The following GALNT13 variants were observed in gnomAD, a reference collection of about 807,000 sequenced individuals.
The protein encoded by GALNT13 is UDP-GalNAc:polypeptide N-acetylgalactosaminyltransferase 13.
In GALNT13, 28 loss-of-function variants were observed where a neutral mutation model predicts 64.2. The observed-to-expected ratio is 0.44, with a 90% CI of 0.32 to 0.60. The LOEUF is 0.60. Among genes scored for constraint, GALNT13 ranks in the 20% least tolerant of loss-of-function variants. GALNT13 has a pLI of 0.05. For missense variants in GALNT13, 577 were observed against 669.8 expected, an observed-to-expected ratio of 0.86 and a Z score of 1.53; for synonymous variants, 214 against 224.6, an observed-to-expected ratio of 0.95 and a Z score of 0.42.
At chr2:153,488,761 C>A in the GALNT13 span, among the ~76,000 whole-genome samples, 1 of 152,158 alleles carries the variant, frequency 6.6e-6, no homozygotes, top group Non-Finnish European at 1.5e-5. Flanking sequence ...GTTTGACTGC[C>A]TCCCCTCCAA....
intron 9 of GALNT13, among the ~76,000 whole-genome samples, chr2:154,318,890 C>T (rs761677785): frequency 9.2e-5 from 14 of 151,950 alleles, no homozygotes; most frequent in Admixed American, 4.6e-4. Context: ...CGCACACACA[C>T]GCACACACAT....
At chr2:153,629,273 C>T in the GALNT13 span, among the ~76,000 whole-genome samples, 9 of 151,556 alleles carry the variant, frequency 5.9e-5, no homozygotes, top group African/African-American at 2.2e-4. Context: ...GTAACCAAAA[C>T]AGCATGATAC....
chr2:154,204,250 A>G (rs1340366921), intron 4 of GALNT13, among the ~76,000 whole-genome samples: 2 of 152,112 alleles, frequency 1.3e-5, no homozygotes, highest in South Asian at 2.1e-4. Flanking sequence ...TCAATATATT[A>G]CCCTATTTAA....
At chr2:154,180,201 T>G (rs183707474) in intron 4 of GALNT13, among the ~76,000 whole-genome samples, 16 of 152,292 alleles carry the variant, frequency 1.1e-4, no homozygotes, top group Non-Finnish European at 1.8e-4. Context: ...CAGTTTTTTG[T>G]GCTTTTTATT....
chr2:154,396,198 AGTATTTTTTAT>A (rs1699045839), intron 10 of GALNT13, 68 bp downstream of exon 10: 1 of 1,032,588 alleles, frequency 9.7e-7, no homozygotes. Context: ...TAAGGAGCTC[AGTATTTTTTAT>A]GTTATGAAAA....
intron 9 of GALNT13, among the ~76,000 whole-genome samples, chr2:154,306,573 G>T (rs1330172947): frequency 7.1e-6 from 1 of 140,892 alleles, no homozygotes; most frequent in East Asian, 2.2e-4. Context: ...ACTCAAATCA[G>T]TCTCCCTAAA....
chr2:153,780,399 C>T, the GALNT13 span, among the ~76,000 whole-genome samples: 17 of 151,806 alleles, frequency 1.1e-4, no homozygotes, highest in African/African-American at 1.7e-4. Context: ...TGCTGTTCTC[C>T]GTAATCACAT....
intron 4 of GALNT13, among the ~76,000 whole-genome samples, chr2:154,210,555 A>G (rs1687702431): frequency 6.6e-6 from 1 of 152,164 alleles, no homozygotes; most frequent in Non-Finnish European, 1.5e-5. Flanking sequence ...ATGTCAGACA[A>G]TGTGGTTTGA....
chr2:154,183,740 G>C (rs1686094809), intron 4 of GALNT13, among the ~76,000 whole-genome samples: 1 of 150,878 alleles, frequency 6.6e-6, no homozygotes, highest in Non-Finnish European at 1.5e-5. Context: ...AAAAAAACTT[G>C]TCAATTTTGA....
chr2:154,265,928 G>A (rs1559056814), intron 8 of GALNT13, among the ~76,000 whole-genome samples: 1 of 152,288 alleles, frequency 6.6e-6, no homozygotes, highest in East Asian at 1.9e-4. Flanking sequence ...ATTAAGTAGT[G>A]TTCATTGCAG....
intron 4 of GALNT13, among the ~76,000 whole-genome samples, chr2:154,147,100 G>C (rs890644860): frequency 2.0e-5 from 3 of 151,858 alleles, no homozygotes; most frequent in Non-Finnish European, 4.4e-5. Context: ...AATTTACATT[G>C]TTGTGCAATG....
chr2:153,640,459 C>T, the GALNT13 span, among the ~76,000 whole-genome samples: 16 of 152,184 alleles, frequency 1.1e-4, no homozygotes, highest in South Asian at 1.7e-3. Flanking sequence ...AGGAGACTAG[C>T]GTCAAAGACG....
At chr2:154,369,547 G>A (rs556716680) in intron 9 of GALNT13, among the ~76,000 whole-genome samples, 1 of 152,122 alleles carries the variant, frequency 6.6e-6, no homozygotes, top group South Asian at 2.1e-4. Flanking sequence ...GGATTCTCTT[G>A]GGTTCTATGG....
intron 3 of GALNT13, among the ~76,000 whole-genome samples, chr2:154,009,408 A>C (rs898379863): frequency 6.6e-6 from 1 of 151,928 alleles, no homozygotes; most frequent in East Asian, 1.9e-4. Flanking sequence ...TATGACTTTT[A>C]AAATACTTTT....
At chr2:153,808,448 G>C in the GALNT13 span, among the ~76,000 whole-genome samples, 1 of 151,910 alleles carries the variant, frequency 6.6e-6, no homozygotes, top group Non-Finnish European at 1.5e-5. Context: ...TTGCAGACTA[G>C]ATTTGCTATT....
intron 9 of GALNT13, among the ~76,000 whole-genome samples, chr2:154,375,092 A>T (rs1395142798): frequency 6.6e-6 from 1 of 152,096 alleles, no homozygotes; most frequent in Admixed American, 6.5e-5. Context: ...GGTTCATGCC[A>T]TTCTCTTATC....
chr2:154,294,170 A>G (rs1451932682), intron 8 of GALNT13, among the ~76,000 whole-genome samples: 1 of 152,242 alleles, frequency 6.6e-6, no homozygotes. Flanking sequence ...AACATGAGCC[A>G]GTATCCATTG....
At chr2:153,628,904 T>G in the GALNT13 span, among the ~76,000 whole-genome samples, 1 of 152,156 alleles carries the variant, frequency 6.6e-6, no homozygotes, top group Admixed American at 6.5e-5. Context: ...TTGAATGGAA[T>G]AGTTTCAGAA....
intron 2 of GALNT13, among the ~76,000 whole-genome samples, chr2:153,906,160 A>G (rs888445523): frequency 6.6e-6 from 1 of 150,572 alleles, no homozygotes; most frequent in Non-Finnish European, 1.5e-5. Context: ...ATTTATTTTG[A>G]TCTTTTAGTT....
Sources: allele counts gnomAD v4.1 joint callset (sites outside exome capture counted in the v4.1 genomes callset), GRCh38; gene constraint gnomAD v4.1.1; transcripts MANE v1.5; gene names NCBI Gene and HGNC (gene_info 2026-07-23, HGNC 2026-07-21).